ANK1: variants seen among roughly 807,000 people sequenced by gnomAD.
ANK1 encodes the protein ankyrin 1.
Under a neutral mutation model 210.4 loss-of-function variants are expected in ANK1, and 51 were observed. The observed-to-expected ratio is 0.24, with a 90% CI of 0.19 to 0.31. The LOEUF (loss-of-function observed/expected upper bound fraction) is 0.31, where lower values mean the gene tolerates loss of function less well. Ranked by LOEUF, ANK1 falls within the 10% of genes least tolerant of loss-of-function variation. The pLI, the probability that ANK1 is intolerant of heterozygous loss-of-function variation, is 1.00. For synonymous variants in ANK1, 967 were observed against 1,025.9 expected (o/e 0.94, Z 1.10); for missense variants, 2,051 against 2,504.4 (o/e 0.82, Z 3.86).
At chr8:41,701,718 C>A in intron 21 of ANK1, 96 bp from the exon 22 acceptor site, 1 of 1,294,330 alleles carries the variant, frequency 7.7e-7, no homozygotes. Context: ...TGGGGTTTCC[C>A]ACAAATGAAG....
chr8:41,841,714 A>G (rs933625821), intron 1 of ANK1, among the ~76,000 whole-genome samples: 1 of 152,166 alleles, frequency 6.6e-6, no homozygotes, highest in African/African-American at 2.4e-5. Context: ...TTTGTATATC[A>G]ATTACATATC....
chr8:41,805,396 T>A (rs560652228), intron 1 of ANK1, among the ~76,000 whole-genome samples: 2 of 151,984 alleles, frequency 1.3e-5, no homozygotes. Flanking sequence ...TTTGTGCCAC[T>A]GTACCCAGCT....
At chr8:41,872,872 T>C (rs1815830394) in intron 1 of ANK1, among the ~76,000 whole-genome samples, 1 of 152,218 alleles carries the variant, frequency 6.6e-6, no homozygotes, top group African/African-American at 2.4e-5. Context: ...ACCCCACATC[T>C]GGCTTCCCAC....
intron 1 of ANK1, among the ~76,000 whole-genome samples, chr8:41,811,250 G>T (rs1433409256): frequency 1.3e-5 from 2 of 152,166 alleles, no homozygotes; most frequent in Non-Finnish European, 2.9e-5. Flanking sequence ...GGGAGCGGGG[G>T]TTTCAGTTTT....
chr8:41,802,372 T>C (rs1053418292), upstream of ANK1, among the ~76,000 whole-genome samples: 1 of 152,202 alleles, frequency 6.6e-6, no homozygotes, highest in Non-Finnish European at 1.5e-5. Context: ...TGATTTTTAC[T>C]ATGTGGATAA....
At position 41,727,357 on chromosome 8, in the gene ANK1, C is replaced by G; in HGVS notation, c.328-9G>C. The G allele has an allele frequency of 1.3e-6, 2 of 1,599,864 alleles. No individual in the cohort carries two copies. The highest frequency in any genetic ancestry group is 1.7e-4 in the Middle Eastern group (1 of 6,026). On this transcript the variant is annotated splice_polypyrimidine_tract_variant and intron_variant, in intron 4 of 42. Coordinates refer to ENST00000289734, the MANE Select transcript of ANK1 (RefSeq NM_000037.4). ...AGGGGTGTAAAACCTTTCTGTAAAC[C>G]AAGAGAGGACATCATTAGCATCCAC...
At chr8:41,663,614 C>G in intron 40 of ANK1, 45 bp downstream of exon 40, 1 of 1,573,750 alleles carries the variant, frequency 6.4e-7, no homozygotes, top group South Asian at 1.1e-5. Flanking sequence ...TAGCTTCTAG[C>G]CCACCTGCCT....
intron 12 of ANK1, 42 bp downstream of exon 12, chr8:41,717,562 C>T (rs1256585869): frequency 3.3e-6 from 5 of 1,516,676 alleles, no homozygotes. Context: ...CCTCTGAGCT[C>T]TTGGTCTAGG....
In ANK1 at chr8:41,668,594, G is replaced by A. The variant is rs371287969; in HGVS notation, c.5097-30C>T. The A allele has an allele frequency of 9.0e-4, 1,438 of 1,600,088 alleles. 23 individuals carry two copies. The South Asian group carries it at 0.015, about 16-fold the overall frequency. On this transcript the variant is annotated intron_variant, in intron 38 of 42. Transcript: ENST00000289734. ...GGTCCAGAAGAAGCAGCAGATGGCC[G>A]GCCGGGGAGAGAGAAAAGACACCTG...
In ANK1 at chr8:41,690,596, A is replaced by T. The variant is rs773177378; in HGVS notation, c.3862T>A (p.Leu1288Met). Residue 1288 changes from leucine to methionine, a missense_variant, in exon 32 of 43, where the codon TTG becomes ATG. Coordinates refer to ENST00000289734, the MANE Select transcript of ANK1 (RefSeq NM_000037.4). The part of the protein sequence containing the change: ...EVARSRDIEV[L>M]EGMSLFAELS... The stretch of plus-strand genomic sequence containing the variant: ...TCTGCAAACAGGGACATTCCTTCCA[A>T]CACCTGCAGGAGAGGAAAAGCAGAT... The T allele has an allele frequency of 1.2e-6, 2 of 1,612,614 alleles. No individual in the cohort carries two copies. Among genetic ancestry groups the T allele is most frequent in the African/African-American group, 2.7e-5 (2 of 74,918 alleles).
chr8:41,848,218 A>ATAAT (rs1350948643), intron 1 of ANK1, among the ~76,000 whole-genome samples: 1 of 151,800 alleles, frequency 6.6e-6, no homozygotes, highest in African/African-American at 2.4e-5. Flanking sequence ...AAATAAATAA[A>ATAAT]TAAATAAATA....
intron 38 of ANK1, among the ~76,000 whole-genome samples, 155 bp from the exon 39 acceptor site, chr8:41,668,719 C>T (rs192711313): frequency 5.9e-5 from 9 of 152,250 alleles, no homozygotes; most frequent in East Asian, 3.9e-4. Context: ...AGGTCAGGGG[C>T]GCATGAGCAC....
chr8:41,860,697 C>T (rs1470180630), intron 1 of ANK1, among the ~76,000 whole-genome samples: 1 of 152,196 alleles, frequency 6.6e-6, no homozygotes, highest in Non-Finnish European at 1.5e-5. Flanking sequence ...GTGTTGCTGG[C>T]ATCAGCATCT....
At position 41,721,858 on chromosome 8, in the gene ANK1, A is replaced by T. The variant is rs543314116; in HGVS notation, c.909+1267T>A. 2.0e-5 allele frequency among the ~76,000 whole-genome samples: 3 copies of T among 152,246 alleles called. No individual in the cohort carries two copies. In the South Asian group the frequency reaches 6.2e-4, roughly 32 times the overall value. ...GGTTGTACGATAGTTCCCAATTGAAAAGTCACATATTCTCAGTAAGGAATT... is the reference window on the plus strand; with the variant it reads ...GGTTGTACGATAGTTCCCAATTGAATAGTCACATATTCTCAGTAAGGAATT... On this transcript the variant is annotated intron_variant, in intron 9 of 42. Coordinates refer to ENST00000289734, the MANE Select transcript of ANK1 (RefSeq NM_000037.4).
chr8:41,658,372 G>A (rs920737487), intron 42 of ANK1, among the ~76,000 whole-genome samples: 2 of 152,206 alleles, frequency 1.3e-5, no homozygotes, highest in Non-Finnish European at 2.9e-5. Flanking sequence ...CTTCACATCA[G>A]TGCTCACAGT....
intron 1 of ANK1, among the ~76,000 whole-genome samples, chr8:41,870,458 C>T (rs1363023289): frequency 6.6e-6 from 1 of 152,172 alleles, no homozygotes; most frequent in Non-Finnish European, 1.5e-5. Context: ...GAGCGTCCCT[C>T]CATCCTAAAG....
intron 1 of ANK1, among the ~76,000 whole-genome samples, chr8:41,779,879 CGCCTGT>C (rs1161560457): frequency 6.6e-6 from 1 of 152,176 alleles, no homozygotes; most frequent in Non-Finnish European, 1.5e-5. Context: ...GCCTCAAAGA[CGCCTGT>C]GCAGCAACAA....
intron 15 of ANK1, 25 bp downstream of exon 15, chr8:41,714,951 A>G: frequency 6.2e-7 from 1 of 1,610,278 alleles, no homozygotes; most frequent in Non-Finnish European, 8.5e-7. Context: ...TGAGAGCTGC[A>G]GGGGAGGGCA....
chr8:41,724,122 A>T (rs1830076866), intron 7 of ANK1, among the ~76,000 whole-genome samples: 1 of 152,190 alleles, frequency 6.6e-6, no homozygotes, highest in Non-Finnish European at 1.5e-5. Context: ...ACCTGCCAAC[A>T]GGATGGGTCA....
Sources: gnomAD v4.1 joint callset for allele counts (sites outside exome capture counted in the v4.1 genomes callset) on GRCh38, gnomAD v4.1.1 for gene constraint, MANE v1.5 for transcripts, NCBI Gene and HGNC (gene_info 2026-07-23, HGNC 2026-07-21) for gene names.